The following KCNQ5 variants were observed in gnomAD, a reference collection of about 807,000 sequenced individuals.
KCNQ5 encodes potassium voltage-gated channel subfamily KQT member 5.
KCNQ5 carries 30 observed loss-of-function variants against 98.2 expected under a neutral mutation model. The ratio of observed to expected loss-of-function variants is 0.31; its 90% CI spans 0.23 to 0.41. KCNQ5 has a LOEUF of 0.41. KCNQ5 is among the 10% of genes least tolerant of loss of function. The pLI is 1.00. For synonymous variants in KCNQ5, 458 were observed against 449.4 expected (o/e 1.02, Z -0.24); for missense variants, 835 against 1,182.5 (o/e 0.71, Z 4.31).
chr6:72,764,524 G>A (rs1347428575), intron 1 of KCNQ5, among the ~76,000 whole-genome samples: 1 of 151,886 alleles, frequency 6.6e-6, no homozygotes, highest in African/African-American at 2.4e-5. Context: ...TACATGAGAT[G>A]TTTGATACAG....
At chr6:72,835,425 G>T (rs1429650878) in intron 1 of KCNQ5, among the ~76,000 whole-genome samples, 3 of 152,022 alleles carry the variant, frequency 2.0e-5, no homozygotes, top group Non-Finnish European at 4.4e-5. Context: ...GTTTCTAATA[G>T]TAGAGTACCA....
chr6:72,661,183 A>G (rs1766506351), intron 1 of KCNQ5, among the ~76,000 whole-genome samples: 1 of 151,960 alleles, frequency 6.6e-6, no homozygotes, highest in Admixed American at 6.6e-5. Flanking sequence ...GTGTTATTTA[A>G]TACTTATTTT....
intron 5 of KCNQ5, among the ~76,000 whole-genome samples, chr6:73,088,326 G>T (rs1463165791): frequency 6.6e-6 from 1 of 152,078 alleles, no homozygotes; most frequent in Admixed American, 6.6e-5. Context: ...CAGACTCACT[G>T]TCCTTGTTTT....
At chr6:72,771,152 G>A (rs1399756499) in intron 1 of KCNQ5, among the ~76,000 whole-genome samples, 1 of 152,062 alleles carries the variant, frequency 6.6e-6, no homozygotes, top group Non-Finnish European at 1.5e-5. Context: ...GGTTTGCTGT[G>A]TGCATGCAGA....
At chr6:72,630,435 T>C (rs1012468682) in intron 1 of KCNQ5, 5 of 152,190 alleles carry the variant, frequency 3.3e-5, no homozygotes, top group African/African-American at 1.2e-4. Context: ...ACAGTCAATT[T>C]AGTTTAACAT....
chr6:73,018,610 A>G (rs1770456571), intron 2 of KCNQ5, among the ~76,000 whole-genome samples: 1 of 152,132 alleles, frequency 6.6e-6, no homozygotes, highest in South Asian at 2.1e-4. Flanking sequence ...CATACATTAT[A>G]TAACAGCTGT....
intron 9 of KCNQ5, among the ~76,000 whole-genome samples, chr6:73,127,563 C>T (rs1471911584): frequency 6.6e-6 from 1 of 152,186 alleles, no homozygotes; most frequent in East Asian, 1.9e-4. Flanking sequence ...CACAGAGAGG[C>T]TTTTCTTTCT....
At chr6:73,034,512 A>G (rs1379744034) in intron 2 of KCNQ5, among the ~76,000 whole-genome samples, 1 of 152,228 alleles carries the variant, frequency 6.6e-6, no homozygotes, top group Non-Finnish European at 1.5e-5. Context: ...AGATTAGACA[A>G]AGGTCACTGT....
rs143031259 is a variant in KCNQ5, at chr6:72,634,780, C to A, written c.398+12193C>A. Among the ~76,000 whole-genome samples the A allele has an allele frequency of 9.1e-3, 1,379 of 152,208 alleles. 40 individuals are homozygous for A. The highest frequency in any genetic ancestry group is 0.059 in the Admixed American group (901 of 15,286). ...ATGGGGTTTTGTTATGTTGACCAGG[C>A]TGGTCTCGAACTCCTGACCTCAGGT... On this transcript the variant is annotated intron_variant, in intron 1 of 13. Transcript: ENST00000370398.
At chr6:72,642,120 A>G (rs369284526) in intron 1 of KCNQ5, among the ~76,000 whole-genome samples, 6 of 149,870 alleles carry the variant, frequency 4.0e-5, no homozygotes, top group African/African-American at 1.2e-4. Context: ...GGCTATTGCT[A>G]TTTGTCCTAG....
At chr6:72,743,173 A>ATAT (rs1342405690) in intron 1 of KCNQ5, among the ~76,000 whole-genome samples, 1 of 152,220 alleles carries the variant, frequency 6.6e-6, no homozygotes, top group Non-Finnish European at 1.5e-5. Context: ...CAGCCATTAA[A>ATAT]TACTTAGAAG....
intron 1 of KCNQ5, among the ~76,000 whole-genome samples, chr6:72,877,775 G>A (rs554351524): frequency 1.3e-5 from 2 of 152,272 alleles, no homozygotes; most frequent in South Asian, 4.1e-4. Context: ...GAATGAGATG[G>A]TATCTTGTTG....
intron 1 of KCNQ5, among the ~76,000 whole-genome samples, chr6:72,984,066 C>T (rs1239768146): frequency 1.3e-5 from 2 of 152,142 alleles, no homozygotes; most frequent in African/African-American, 2.4e-5. Flanking sequence ...TGCTGCCTGA[C>T]CCTTCCTCTG....
At chr6:73,062,583 A>C (rs2150376783) in intron 3 of KCNQ5, among the ~76,000 whole-genome samples, 1 of 152,340 alleles carries the variant, frequency 6.6e-6, no homozygotes, top group African/African-American at 2.4e-5. Context: ...TAGAGAAAAA[A>C]AATGTGGCAA....
At chr6:72,882,257 A>G (rs1778660367) in intron 1 of KCNQ5, among the ~76,000 whole-genome samples, 1 of 152,232 alleles carries the variant, frequency 6.6e-6, no homozygotes, top group Admixed American at 6.5e-5. Context: ...TAAATTTTAA[A>G]AGACCTGTGC....
intron 1 of KCNQ5, among the ~76,000 whole-genome samples, chr6:72,725,107 G>T (rs1020796240): frequency 2.6e-5 from 4 of 151,840 alleles, no homozygotes; most frequent in Middle Eastern, 3.2e-3. Context: ...TTTTTTCTCT[G>T]TTTTTCCCCA....
chr6:72,773,617 C>A (rs906305097), intron 1 of KCNQ5, among the ~76,000 whole-genome samples: 2 of 152,030 alleles, frequency 1.3e-5, no homozygotes, highest in Non-Finnish European at 2.9e-5. Context: ...AATAAATAAA[C>A]AAAGGTAATA....
intron 1 of KCNQ5, among the ~76,000 whole-genome samples, chr6:72,902,968 C>CT (rs1421132719): frequency 6.6e-6 from 1 of 151,884 alleles, no homozygotes; most frequent in Non-Finnish European, 1.5e-5. Flanking sequence ...TGGTCCTGGA[C>CT]TTTTTTGTTG....
chr6:73,077,550 A>G (rs1395199591), intron 4 of KCNQ5, 53 bp downstream of exon 4: 16 of 1,529,088 alleles, frequency 1.0e-5, no homozygotes, highest in Non-Finnish European at 1.2e-5. Context: ...TTTTTCATTG[A>G]TCGCTGTAAT....
Sources: gnomAD v4.1 joint callset for allele counts (sites outside exome capture counted in the v4.1 genomes callset) on GRCh38, gnomAD v4.1.1 for gene constraint, MANE v1.5 for transcripts, NCBI Gene and HGNC (gene_info 2026-07-23, HGNC 2026-07-21) for gene names.